Variants in CDC6 observed in about 807,000 individuals in gnomAD.
CDC6 encodes the protein DNA replication factor CDC6.
Under a neutral mutation model 60.2 loss-of-function variants are expected in CDC6, and 46 were observed. The ratio of observed to expected loss-of-function variants is 0.76; its 90% CI spans 0.60 to 0.98. The LOEUF (loss-of-function observed/expected upper bound fraction) is 0.98, where lower values mean the gene tolerates loss of function less well. Ranked by LOEUF, CDC6 falls within the 50% of genes least tolerant of loss-of-function variation. The pLI is 0.00. For synonymous variants in CDC6, 210 were observed against 233.2 expected (o/e 0.90, Z 0.90); for missense variants, 596 against 652.9 (o/e 0.91, Z 0.95).
intron 2 of CDC6, among the ~76,000 whole-genome samples, chr17:40,290,243 C>T (rs1178772192): frequency 6.6e-6 from 1 of 152,096 alleles, no homozygotes; most frequent in African/African-American, 2.4e-5. Flanking sequence ...GAAACAAAAA[C>T]GTGACATGAT....
intron 8 of CDC6, among the ~76,000 whole-genome samples, chr17:40,296,365 TG>T (rs2032859601): frequency 6.6e-6 from 1 of 152,212 alleles, no homozygotes; most frequent in South Asian, 2.1e-4. Context: ...TCATCCAAAA[TG>T]TTATCATTGG....
chr17:40,296,328 C>T (rs1011948473), intron 8 of CDC6, among the ~76,000 whole-genome samples: 2 of 152,060 alleles, frequency 1.3e-5, no homozygotes, highest in Non-Finnish European at 1.5e-5. Context: ...ACTACATATC[C>T]TCTCTCCTAC....
At chr17:40,294,204 A>G in intron 6 of CDC6, 148 bp downstream of exon 6, 2 of 907,252 alleles carry the variant, frequency 2.2e-6, no homozygotes, top group African/African-American at 1.7e-5. Flanking sequence ...ATCTTACCTA[A>G]TAGATACATC....
In CDC6 at chr17:40,293,461, A is replaced by G. The variant is rs559102054; in HGVS notation, c.666A>G (p.Glu222=). ...ATTTGCATTTTTTTTTCCAGAAGGA[A>G]CTGAAAGGCTTTAAAACTATCATGC... ...LSRILQDLKK[E]LKGFKTIMLN... is the part of the protein sequence containing the mutation. The change falls in exon 5 of 12, where the codon GAA becomes GAG. Residue 222 remains glutamate, a synonymous_variant. Coordinates refer to ENST00000209728, the MANE Select transcript of CDC6 (RefSeq NM_001254.4). The G allele has an allele frequency of 1.1e-5, 18 of 1,613,904 alleles. No individual in the cohort carries two copies. Among genetic ancestry groups the G allele is most frequent in the African/African-American group, 5.3e-5 (4 of 75,034 alleles).
intron 9 of CDC6, 99 bp downstream of exon 9, chr17:40,296,866 A>G: frequency 1.2e-6 from 1 of 852,332 alleles, no homozygotes; most frequent in South Asian, 1.3e-5. Context: ...TTAAATCCAA[A>G]CTCACCCATT....
intron 8 of CDC6, among the ~76,000 whole-genome samples, chr17:40,295,918 C>T (rs747818290): frequency 6.6e-6 from 1 of 152,080 alleles, no homozygotes; most frequent in Admixed American, 6.6e-5. Flanking sequence ...CCTCCTGCCC[C>T]TCCTGCTGGG....
At position 40,301,032 on chromosome 17, in the gene CDC6, T is replaced by A. The variant is rs1391516721; in HGVS notation, c.1452+2T>A. The stretch of plus-strand genomic sequence containing the variant: ...ATCAAAGAGGTCACTCTGGGGAAGG[T>A]AAGTTGGGATGGAGCAGATGGAACG... On this transcript the variant is annotated splice_donor_variant, in intron 10 of 11. Transcript: ENST00000209728. LOFTEE classifies it high-confidence loss of function. 6.2e-7 allele frequency: 1 copy of A among 1,605,976 alleles called. No homozygotes were observed. Among genetic ancestry groups the A allele is most frequent in the African/African-American group, 1.3e-5 (1 of 74,784 alleles).
chr17:40,291,369 AG>A, intron 3 of CDC6, 30 bp downstream of exon 3: 1 of 1,613,430 alleles, frequency 6.2e-7, no homozygotes, highest in Non-Finnish European at 8.5e-7. Flanking sequence ...CTGTTAGTGC[AG>A]CCATTGTAAC....
chr17:40,296,862 C>T, intron 9 of CDC6, 95 bp downstream of exon 9: 1 of 854,748 alleles, frequency 1.2e-6, no homozygotes, highest in Non-Finnish European at 2.0e-6. Context: ...ATAGTTAAAT[C>T]CAAACTCACC....
At chr17:40,293,676 G>A (rs1409948597) in intron 5 of CDC6, 45 bp downstream of exon 5, 1 of 1,436,170 alleles carries the variant, frequency 7.0e-7, no homozygotes, top group Non-Finnish European at 9.8e-7. Flanking sequence ...AATCTGCAAG[G>A]TCTGTTGCCC....
intron 9 of CDC6, among the ~76,000 whole-genome samples, chr17:40,299,309 G>A (rs755969699): frequency 1.3e-5 from 2 of 151,318 alleles, no homozygotes; most frequent in Admixed American, 6.6e-5. Context: ...CACCACACCC[G>A]GCTGTTTTTT....
In CDC6 at chr17:40,301,507, G is replaced by A; in HGVS notation, c.1492G>A (p.Val498Met). Residue 498 changes from valine (V) to methionine (M), a missense_variant, in exon 11 of 12, where the codon GTG becomes ATG. By Grantham distance (21) the Val-to-Met change is conservative (BLOSUM62 1). Coordinates refer to ENST00000209728, the MANE Select transcript of CDC6 (RefSeq NM_001254.4). ...AYSKVCRKQQVAAVDQSECLS... is the reference protein window; with the variant it reads ...AYSKVCRKQQMAAVDQSECLS... ...CAGTAAAGTCTGTCGCAAACAGCAG[G>A]TGGCGGCTGTGGACCAGTCAGAGTG... The A allele has an allele frequency of 6.2e-7, 1 of 1,613,710 alleles. No homozygotes were observed. The highest frequency in any genetic ancestry group is 8.5e-7 in the Non-Finnish European group (1 of 1,179,568).
intron 7 of CDC6, 100 bp from the exon 8 acceptor site, chr17:40,295,256 C>T: frequency 1.2e-6 from 1 of 839,012 alleles, no homozygotes; most frequent in Non-Finnish European, 2.1e-6. Flanking sequence ...AGTTGCCAAT[C>T]AAGTTTAGGG....
At chr17:40,294,759 T>C (rs2032833993) in intron 7 of CDC6, among the ~76,000 whole-genome samples, 1 of 151,748 alleles carries the variant, frequency 6.6e-6, no homozygotes, top group East Asian at 1.9e-4. Context: ...AGTTTTGCTC[T>C]TATCGCCCAG....
At chr17:40,299,016 T>C (rs1282289914) in intron 9 of CDC6, among the ~76,000 whole-genome samples, 1 of 152,072 alleles carries the variant, frequency 6.6e-6, no homozygotes, top group African/African-American at 2.4e-5. Context: ...TGTAATATTA[T>C]AGAAGTAAAT....
At chr17:40,291,969 G>A (rs1052917800) in intron 4 of CDC6, among the ~76,000 whole-genome samples, 1 of 152,098 alleles carries the variant, frequency 6.6e-6, no homozygotes, top group Non-Finnish European at 1.5e-5. Context: ...GGATGGTCTC[G>A]ATCTCCTCAC....
In CDC6 at chr17:40,291,240, C is replaced by T. The variant is rs1350637996; in HGVS notation, c.361C>T (p.Leu121Phe). 2 of 1,614,144 alleles carry T rather than the reference C, an allele frequency of 1.2e-6. No homozygotes were observed. ...ELAKVHQNKI[L>F]SSVRKSQEIT... ...AGCCAAAGTTCACCAAAACAAAATACTTTCTTCAGTTAGAAAAAGTCAAGA... is the reference window on the plus strand; with the variant it reads ...AGCCAAAGTTCACCAAAACAAAATATTTTCTTCAGTTAGAAAAAGTCAAGA... The change falls in exon 3 of 12, where the codon CTT becomes TTT. Residue 121 changes from leucine to phenylalanine, a missense_variant. Coordinates refer to ENST00000209728, the MANE Select transcript of CDC6 (RefSeq NM_001254.4).
chr17:40,301,543 T>C lies in CDC6; in HGVS notation c.1528T>C (p.Ser510Pro), dbSNP rs751828306. 1.2e-6 allele frequency: 2 copies of C among 1,614,102 alleles called. No individual in the cohort carries two copies. Among genetic ancestry groups the C allele is most frequent in the Non-Finnish European group, 1.7e-6 (2 of 1,179,932 alleles). Residue 510 changes from serine (S) to proline (P), a missense_variant, in exon 11 of 12, where the codon TCA becomes CCA. Ser to Pro is a moderately conservative substitution (Grantham distance 74). Transcript: ENST00000209728. ...GGACCAGTCAGAGTGTTTGTCACTTTCAGGGCTCTTGGAAGCCAGGGGCAT... is the reference window on the plus strand; with the variant it reads ...GGACCAGTCAGAGTGTTTGTCACTTCCAGGGCTCTTGGAAGCCAGGGGCAT... The part of the protein sequence containing the change: ...AVDQSECLSL[S>P]GLLEARGILG...
Position 40,303,875 on chromosome 17 carries a change from CTG to C in CDC6, c.*1877_*1878del, listed in dbSNP as rs1162853279. ...GACTGCTTTACAGTTTGTTTCCACA[CTG>C]TGGGCAGCTGCTGTCTGTTCTGTGT... On this transcript the variant is annotated 3_prime_UTR_variant, in exon 12 of 12. Coordinates refer to ENST00000209728, the MANE Select transcript of CDC6 (RefSeq NM_001254.4). 1 of 152,254 alleles carries C rather than the reference CTG, an allele frequency of 6.6e-6. No homozygotes were observed. The highest frequency in any genetic ancestry group is 2.4e-5 in the African/African-American group (1 of 41,474). 9.4% of individuals were successfully genotyped at this position (152,254 alleles called of 1,614,324 possible).
Sources: allele counts gnomAD v4.1 joint callset (sites outside exome capture counted in the v4.1 genomes callset), GRCh38; gene constraint gnomAD v4.1.1; transcripts MANE v1.5; gene names NCBI Gene and HGNC (gene_info 2026-07-23, HGNC 2026-07-21).